Variants in PAPPA2 observed in about 807,000 individuals in gnomAD.
PAPPA2 encodes pappalysin 2, also known as pappalysin-2.
A neutral mutation model predicts 176.4 loss-of-function variants in PAPPA2; 86 were observed. The ratio of observed to expected loss-of-function variants is 0.49; its 90% CI spans 0.41 to 0.58. The LOEUF (loss-of-function observed/expected upper bound fraction) is 0.58. Among genes scored for constraint, PAPPA2 ranks in the 20% least tolerant of loss-of-function variants. The pLI is 0.00. For synonymous variants in PAPPA2, 809 were observed against 852.2 expected (o/e 0.95, Z 0.88); for missense variants, 2,073 against 2,256.9 (o/e 0.92, Z 1.65).
rs747933933 is a variant in PAPPA2 at position 176,562,208 on chromosome 1, G to GTGT, written c.919+4987_919+4989dup. Among the ~76,000 whole-genome samples the GTGT allele has an allele frequency of 9.2e-5, 14 of 152,214 alleles. No homozygotes were observed. The South Asian group carries it at 1.2e-3, about 14-fold the overall frequency. On this transcript the variant is annotated intron_variant, in intron 2 of 22. Coordinates refer to ENST00000367662, the MANE Select transcript of PAPPA2 (RefSeq NM_020318.3). ...TATTGTTTAAGGCCTATATTGGTAAGTGTTGTTGTTGTTGTTGTTGTTTTT... is the reference window on the plus strand; with the variant it reads ...TATTGTTTAAGGCCTATATTGGTAAGTGTTGTTGTTGTTGTTGTTGTTGTTTTT...
At chr1:176,477,470 G>T (rs964276470) in intron 1 of PAPPA2, among the ~76,000 whole-genome samples, 4 of 152,254 alleles carry the variant, frequency 2.6e-5, no homozygotes, top group East Asian at 3.9e-4. Flanking sequence ...GTTATGGTTG[G>T]GTGCAGTGGC....
chr1:176,502,234 G>A (rs1437951888), intron 1 of PAPPA2, among the ~76,000 whole-genome samples: 1 of 152,164 alleles, frequency 6.6e-6, no homozygotes, highest in Non-Finnish European at 1.5e-5. Flanking sequence ...GGAATGAGGT[G>A]GTGATGCCCC....
intron 9 of PAPPA2, among the ~76,000 whole-genome samples, chr1:176,703,151 C>A (rs1660737130): frequency 6.6e-6 from 1 of 152,120 alleles, no homozygotes; most frequent in Non-Finnish European, 1.5e-5. Flanking sequence ...AACAAATGGC[C>A]TATTCTGCTA....
intron 17 of PAPPA2, among the ~76,000 whole-genome samples, chr1:176,780,333 C>A (rs1664656586): frequency 6.6e-6 from 1 of 152,084 alleles, no homozygotes; most frequent in Admixed American, 6.6e-5. Flanking sequence ...AGCCTGCCCC[C>A]TGAAGTTGAG....
intron 14 of PAPPA2, among the ~76,000 whole-genome samples, chr1:176,743,825 G>A (rs948770754): frequency 2.6e-5 from 4 of 152,042 alleles, no homozygotes; most frequent in African/African-American, 7.2e-5. Context: ...CCAATCACAT[G>A]GATAAAATGA....
At chr1:176,749,523 A>G (rs977811863) in intron 14 of PAPPA2, among the ~76,000 whole-genome samples, 1 of 152,192 alleles carries the variant, frequency 6.6e-6, no homozygotes, top group African/African-American at 2.4e-5. Context: ...GCTTGGGCAA[A>G]TGTGTAATGA....
intron 12 of PAPPA2, among the ~76,000 whole-genome samples, chr1:176,736,539 AAT>A (rs1558552090): frequency 6.8e-6 from 1 of 146,950 alleles, no homozygotes; most frequent in Non-Finnish European, 1.5e-5. Context: ...TATATTTTTA[AAT>A]ATATATCTTA....
At chr1:176,470,995 G>A (rs1651846997) in intron 1 of PAPPA2, among the ~76,000 whole-genome samples, 1 of 152,204 alleles carries the variant, frequency 6.6e-6, no homozygotes, top group South Asian at 2.1e-4. Context: ...ATTGATTCTG[G>A]GACCCAGGGT....
intron 12 of PAPPA2, among the ~76,000 whole-genome samples, chr1:176,731,661 G>A (rs867429600): frequency 1.6e-4 from 24 of 149,788 alleles, no homozygotes; most frequent in Admixed American, 3.3e-4. Flanking sequence ...ACATATGTGT[G>A]TGTGTACATA....
intron 3 of PAPPA2, among the ~76,000 whole-genome samples, chr1:176,644,360 C>T (rs937242744): frequency 6.6e-6 from 1 of 151,764 alleles, no homozygotes; most frequent in African/African-American, 2.4e-5. Flanking sequence ...CTCCTTACAA[C>T]CCAATAGGAC....
intron 1 of PAPPA2, among the ~76,000 whole-genome samples, chr1:176,474,010 T>C (rs1652004234): frequency 6.6e-6 from 1 of 152,196 alleles, no homozygotes; most frequent in African/African-American, 2.4e-5. Flanking sequence ...AACAGGTGGC[T>C]AGAATTCTGA....
intron 19 of PAPPA2, 82 bp downstream of exon 19, chr1:176,791,564 A>AT (rs1472725021): frequency 1.3e-6 from 2 of 1,491,824 alleles, no homozygotes; most frequent in East Asian, 4.8e-5. Flanking sequence ...AATTTTATTT[A>AT]TTTTTGTCAG....
At chr1:176,552,797 C>G (rs2102583879) in intron 1 of PAPPA2, among the ~76,000 whole-genome samples, 1 of 152,216 alleles carries the variant, frequency 6.6e-6, no homozygotes, top group African/African-American at 2.4e-5. Flanking sequence ...TGCTGGCAAC[C>G]CTGCTCAGTC....
intron 3 of PAPPA2, among the ~76,000 whole-genome samples, chr1:176,666,745 G>A (rs906670950): frequency 6.6e-6 from 1 of 151,938 alleles, no homozygotes; most frequent in Non-Finnish European, 1.5e-5. Context: ...ATTGAGGTGA[G>A]AGGAGCAAAA....
chr1:176,716,740 T>C (rs919424554), intron 12 of PAPPA2, among the ~76,000 whole-genome samples: 4 of 151,266 alleles, frequency 2.6e-5, no homozygotes, highest in African/African-American at 9.7e-5. Flanking sequence ...GCCTCCCGAG[T>C]AGCTGGGACT....
At chr1:176,579,722 G>C (rs1652854671) in intron 2 of PAPPA2, among the ~76,000 whole-genome samples, 1 of 152,150 alleles carries the variant, frequency 6.6e-6, no homozygotes, top group Non-Finnish European at 1.5e-5. Context: ...TTGTCAAATA[G>C]ACTTGGTTTT....
rs1254468970 is a variant in PAPPA2, at chr1:176,771,114, C to T, written c.4649C>T (p.Thr1550Ile). 3 of 1,614,154 alleles carry T rather than the reference C, an allele frequency of 1.9e-6. No individual in the cohort carries two copies. Among genetic ancestry groups the T allele is most frequent in the Non-Finnish European group, 1.7e-6 (2 of 1,180,024 alleles). The change falls in exon 17 of 23, where the codon ACC (threonine) becomes ATC (isoleucine). Residue 1550 changes from threonine to isoleucine, a missense_variant. Thr to Ile is a moderately conservative substitution (Grantham distance 89). Transcript: ENST00000367662. ...HCLQDNHDVGTICKYECKPGY... is the reference protein window; with the variant it reads ...HCLQDNHDVGIICKYECKPGY... The stretch of plus-strand genomic sequence containing the variant: ...CTCCAGGACAACCACGACGTGGGCA[C>T]CATCTGCAAATATGAATGCAAACCA...
intron 1 of PAPPA2, among the ~76,000 whole-genome samples, chr1:176,532,505 A>C (rs566266061): frequency 7.1e-4 from 108 of 152,304 alleles, no homozygotes; most frequent in African/African-American, 2.5e-3. Flanking sequence ...CATTCGGAAA[A>C]AGGCACCTGC....
At chr1:176,769,934 G>A (rs973993862) in intron 16 of PAPPA2, 150 bp downstream of exon 16, 1 of 785,062 alleles carries the variant, frequency 1.3e-6, no homozygotes, top group Admixed American at 3.4e-5. Flanking sequence ...AGTCCCAAAA[G>A]GCAACACCAC....
Sources: allele counts gnomAD v4.1 joint callset (sites outside exome capture counted in the v4.1 genomes callset), GRCh38; gene constraint gnomAD v4.1.1; transcripts MANE v1.5; gene names NCBI Gene and HGNC (gene_info 2026-07-23, HGNC 2026-07-21).